EVL: variants seen among roughly 807,000 people sequenced by gnomAD.
EVL encodes the protein ena/VASP-like protein.
Under a neutral mutation model 59.6 loss-of-function variants are expected in EVL, and 21 were observed. The ratio of observed to expected loss-of-function variants is 0.35; its 90% confidence interval spans 0.25 to 0.51. The LOEUF is 0.51. Among genes scored for constraint, EVL ranks in the 20% least tolerant of loss-of-function variants. The pLI, the probability that EVL is intolerant of heterozygous loss-of-function variation, is 0.97. For missense variants in EVL, 462 were observed against 546.6 expected, an observed-to-expected ratio of 0.85 and a Z score of 1.54; for synonymous variants, 198 against 203.5, an observed-to-expected ratio of 0.97 and a Z score of 0.23.
intron 1 of EVL, among the ~76,000 whole-genome samples, chr14:100,077,401 A>G (rs893073400): frequency 1.2e-4 from 18 of 152,264 alleles, no homozygotes; most frequent in Non-Finnish European, 1.6e-4. Flanking sequence ...GAAATGGGAA[A>G]CAGTGAAAAG....
At chr14:100,068,699 G>T (rs989355729) in intron 1 of EVL, among the ~76,000 whole-genome samples, 4 of 152,168 alleles carry the variant, frequency 2.6e-5, no homozygotes, top group Non-Finnish European at 5.9e-5. Context: ...TGGGCGTGGG[G>T]GAAACATGAG....
chr14:99,978,359 G>A (rs1247305387), intron 1 of EVL, among the ~76,000 whole-genome samples: 8 of 150,646 alleles, frequency 5.3e-5, no homozygotes, highest in Admixed American at 4.6e-4. Flanking sequence ...CCGAGATCGC[G>A]CCACTGCACT....
chr14:100,129,440 C>T, intron 6 of EVL, 123 bp from the exon 7 acceptor site: 6 of 1,395,936 alleles, frequency 4.3e-6, no homozygotes, highest in Non-Finnish European at 3.9e-6. Flanking sequence ...GCCCCTGAGG[C>T]CCCTTGCAGT....
intron 1 of EVL, among the ~76,000 whole-genome samples, chr14:100,038,513 A>G (rs1238909041): frequency 6.6e-6 from 1 of 152,238 alleles, no homozygotes; most frequent in Non-Finnish European, 1.5e-5. Context: ...CCAAATCAGG[A>G]TACTGTCTTA....
chr14:100,112,471 A>G (rs1016800431), intron 3 of EVL, among the ~76,000 whole-genome samples: 1 of 152,186 alleles, frequency 6.6e-6, no homozygotes, highest in Non-Finnish European at 1.5e-5. Flanking sequence ...CTTAACTCAG[A>G]ATATAGTCCA....
chr14:99,982,524 A>G (rs1298884270), intron 1 of EVL, among the ~76,000 whole-genome samples: 1 of 152,174 alleles, frequency 6.6e-6, no homozygotes, highest in East Asian at 1.9e-4. Flanking sequence ...AACAAGCACC[A>G]AAGGAAGGAC....
At chr14:100,016,094 A>T (rs2767356) in intron 1 of EVL, among the ~76,000 whole-genome samples, 53,498 of 150,242 alleles carry the variant, frequency 0.36, 13,305 homozygotes, top group African/African-American at 0.71. Flanking sequence ...AAAAAAAAAA[A>T]AATTAATTAT....
chr14:100,058,876 C>T (rs768174759), intron 1 of EVL, among the ~76,000 whole-genome samples: 1 of 152,098 alleles, frequency 6.6e-6, no homozygotes, highest in Non-Finnish European at 1.5e-5. Flanking sequence ...TATCTACGTA[C>T]GTGTAATTGG....
At chr14:100,102,467 T>G in intron 3 of EVL, 1 of 432,702 alleles carries the variant, frequency 2.3e-6, no homozygotes, top group Non-Finnish European at 4.7e-6. Context: ...GAGTTGTTAT[T>G]GTTATTCGTG....
intron 1 of EVL, among the ~76,000 whole-genome samples, chr14:100,008,197 A>G (rs1421396600): frequency 6.6e-6 from 1 of 152,178 alleles, no homozygotes; most frequent in Admixed American, 6.5e-5. Context: ...CCTCTGATGC[A>G]CTAATTCTGG....
chr14:100,020,702 A>G (rs1036937488), intron 1 of EVL, among the ~76,000 whole-genome samples: 7 of 152,222 alleles, frequency 4.6e-5, no homozygotes, highest in African/African-American at 1.7e-4. Flanking sequence ...AGAGAAAACT[A>G]CAGACCTGTT....
chr14:100,030,257 AT>A lies in EVL; in HGVS notation c.6-54419del, dbSNP rs923661868. Among the ~76,000 whole-genome samples, 1,090 of 143,176 alleles carry A rather than the reference AT, an allele frequency of 7.6e-3. 13 individuals are homozygous for A. Among genetic ancestry groups the A allele is most frequent in the African/African-American group, 0.025 (960 of 39,110 alleles). 93.9% of individuals were successfully genotyped at this position (143,176 alleles called of 152,430 possible). On this transcript the variant is annotated intron_variant, in intron 1 of 13. Transcript: ENST00000402714. Reference sequence around the variant, plus strand: ...CAGACATGTGCCACCACGCCCGGCTATTTTTTTTTTTCTTTTGTATTTTTAG... The same window carrying A: ...CAGACATGTGCCACCACGCCCGGCTATTTTTTTTTTCTTTTGTATTTTTAG...
intron 2 of EVL, among the ~76,000 whole-genome samples, chr14:100,094,397 C>T (rs1018619044): frequency 2.0e-5 from 3 of 152,148 alleles, no homozygotes; most frequent in Non-Finnish European, 4.4e-5. Context: ...GAAAAATTCT[C>T]ACTCATCTTA....
chr14:100,082,182 C>T (rs535130351), intron 1 of EVL, among the ~76,000 whole-genome samples: 1 of 151,856 alleles, frequency 6.6e-6, no homozygotes, highest in Non-Finnish European at 1.5e-5. Flanking sequence ...CCCCCTCCCC[C>T]GCATCCCTCC....
At chr14:100,021,288 A>T (rs1221883309) in intron 1 of EVL, among the ~76,000 whole-genome samples, 2 of 152,110 alleles carry the variant, frequency 1.3e-5, no homozygotes, top group Admixed American at 1.3e-4. Context: ...GCTGGGTCTG[A>T]TGAGGTGGGA....
chr14:100,123,573 C>G lies in EVL; in HGVS notation c.393C>G (p.Pro131=), dbSNP rs1357696976. 6.2e-6 allele frequency: 10 copies of G among 1,614,058 alleles called. No homozygotes were observed. In the Admixed American group the frequency reaches 6.7e-5, roughly 11 times the overall value. Residue 131 remains proline, a synonymous_variant, in exon 4 of 14, where the codon CCC becomes CCG. Coordinates refer to ENST00000392920, the MANE Select transcript of EVL (RefSeq NM_016337.3). The part of the protein sequence containing the change: ...PSSQRQVQNG[P]SPDEMDIQRR... ...GCCAGCGTCAGGTGCAGAATGGCCC[C>G]TCTCCTGATGAGATGGACATCCAGA...
chr14:100,084,658 G>A, intron 1 of EVL, 29 bp from the exon 2 acceptor site: 2 of 1,611,488 alleles, frequency 1.2e-6, no homozygotes, highest in Non-Finnish European at 1.7e-6. Flanking sequence ...TGTAGCTGAG[G>A]CTGACACCAG....
chr14:100,068,177 G>A (rs2061973458), intron 1 of EVL, among the ~76,000 whole-genome samples: 1 of 152,188 alleles, frequency 6.6e-6, no homozygotes, highest in African/African-American at 2.4e-5. Flanking sequence ...GTGGGGACAT[G>A]AGGCAGCCAT....
intron 8 of EVL, among the ~76,000 whole-genome samples, chr14:100,133,481 C>T (rs1028935802): frequency 2.9e-4 from 44 of 152,256 alleles, no homozygotes; most frequent in Admixed American, 9.8e-4. Context: ...GCTTCCTGCC[C>T]TGTCCTCCCA....
Sources: gnomAD v4.1 joint callset for allele counts (sites outside exome capture counted in the v4.1 genomes callset) on GRCh38, gnomAD v4.1.1 for gene constraint, MANE v1.5 for transcripts, NCBI Gene and HGNC (gene_info 2026-07-23, HGNC 2026-07-21) for gene names.